The following TNFRSF21 variants were observed in gnomAD, a reference collection of about 807,000 sequenced individuals.
TNFRSF21 encodes tumor necrosis factor receptor superfamily member 21.
A neutral mutation model predicts 45.6 loss-of-function variants in TNFRSF21; 19 were observed. The ratio of observed to expected loss-of-function variants is 0.42; its 90% CI spans 0.29 to 0.61. The LOEUF (loss-of-function observed/expected upper bound fraction) is 0.61. Among genes scored for constraint, TNFRSF21 ranks in the 20% least tolerant of loss-of-function variants. The pLI is 0.23. For missense variants in TNFRSF21, 737 were observed against 851.5 expected (o/e 0.87, Z 1.67); for synonymous variants, 314 against 335.5 (o/e 0.94, Z 0.70).
At position 47,306,315 on chromosome 6, in the gene TNFRSF21, A is replaced by C. The variant is rs114040856; in HGVS notation, c.96+3101T>G. ...CAAACCACCTTCTTAACTTTTCCCC[A>C]GTGAGCCTTCTCTGTTGTTACATTT... On this transcript the variant is annotated intron_variant, in intron 1 of 5. Coordinates refer to ENST00000296861, the MANE Select transcript of TNFRSF21 (RefSeq NM_014452.5). Among the ~76,000 whole-genome samples, 643 of 152,340 alleles carry C rather than the reference A, an allele frequency of 4.2e-3. 5 individuals carry two copies. Among genetic ancestry groups the C allele is most frequent in the African/African-American group, 0.015 (614 of 41,586 alleles).
At chr6:47,299,780 T>G (rs1025688744) in intron 1 of TNFRSF21, among the ~76,000 whole-genome samples, 39 of 152,228 alleles carry the variant, frequency 2.6e-4, no homozygotes, top group African/African-American at 8.9e-4. Context: ...AATTATAAAC[T>G]CCAATATTGG....
chr6:47,301,104 C>T (rs2113870506), intron 1 of TNFRSF21, among the ~76,000 whole-genome samples: 1 of 152,276 alleles, frequency 6.6e-6, no homozygotes, highest in Non-Finnish European at 1.5e-5. Flanking sequence ...TTAAATTGTT[C>T]TTTCTTAATA....
rs1051042988 is a variant in TNFRSF21, at chr6:47,267,068, T to A, written c.1244-13547A>T. ...AATATTGTTAGAGTCAGACTACCCATGCCACAGTCTGATTTTCTTTTTTCT... is the reference window on the plus strand; with the variant it reads ...AATATTGTTAGAGTCAGACTACCCAAGCCACAGTCTGATTTTCTTTTTTCT... On this transcript the variant is annotated intron_variant, in intron 3 of 5. Transcript: ENST00000296861. Among the ~76,000 whole-genome samples, 4 of 150,716 alleles carry A rather than the reference T, an allele frequency of 2.7e-5. No individual in the cohort carries two copies. The East Asian group carries it at 7.9e-4, about 30-fold the overall frequency.
Position 47,234,800 on chromosome 6 carries a change from C to A in TNFRSF21, c.1608G>T (p.Leu536=), listed in dbSNP as rs772242619. The change falls in exon 5 of 6, where the codon CTG becomes CTT. Residue 536 remains leucine (L), a synonymous_variant. Coordinates refer to ENST00000296861, the MANE Select transcript of TNFRSF21 (RefSeq NM_014452.5). ...TGTCCTGTGGGGAAGGCTCCACCGT[C>A]AGGAGAGCGGAATTCTCAAGTTTCG... ...PNAKLENSAL[L]TVEPSPQDKN... The A allele has an allele frequency of 7.6e-6, 12 of 1,581,294 alleles. No individual in the cohort carries two copies. The highest frequency in any genetic ancestry group is 9.4e-6 in the Non-Finnish European group (11 of 1,166,742).
chr6:47,273,804 A>G (rs554323880), intron 3 of TNFRSF21, among the ~76,000 whole-genome samples: 1 of 151,468 alleles, frequency 6.6e-6, no homozygotes, highest in South Asian at 2.1e-4. Flanking sequence ...GAGGATATAA[A>G]ATCAATGTGC....
chr6:47,256,971 T>C (rs1411840909), intron 3 of TNFRSF21, among the ~76,000 whole-genome samples: 1 of 152,178 alleles, frequency 6.6e-6, no homozygotes. Flanking sequence ...ATGTGTACAA[T>C]GGAGAAACTC....
At chr6:47,267,911 T>C (rs1762359214) in intron 3 of TNFRSF21, among the ~76,000 whole-genome samples, 1 of 152,192 alleles carries the variant, frequency 6.6e-6, no homozygotes, top group Non-Finnish European at 1.5e-5. Flanking sequence ...TATAAATATC[T>C]TGAATATGTC....
chr6:47,304,216 G>A (rs1480809627), intron 1 of TNFRSF21, among the ~76,000 whole-genome samples: 1 of 150,524 alleles, frequency 6.6e-6, no homozygotes, highest in African/African-American at 2.5e-5. Context: ...ACAAGGAAAA[G>A]TCACTCAATT....
At chr6:47,254,218 G>GAC (rs141946799) in intron 3 of TNFRSF21, among the ~76,000 whole-genome samples, 5 of 152,284 alleles carry the variant, frequency 3.3e-5, no homozygotes, top group African/African-American at 9.6e-5. Context: ...GCTACTAAGT[G>GAC]ACTCACAGGC....
chr6:47,286,673 A>C (rs1750431072), intron 1 of TNFRSF21, 78 bp from the exon 2 acceptor site: 17 of 1,422,842 alleles, frequency 1.2e-5, no homozygotes, highest in Admixed American at 2.4e-5. Flanking sequence ...AAAAGGGCCA[A>C]CAATTCCAGC....
rs1302106918 is a variant in TNFRSF21, at chr6:47,232,902, C to T, written c.1831G>A (p.Glu611Lys). 1 of 1,614,096 alleles carries T rather than the reference C, an allele frequency of 6.2e-7. No homozygotes were observed. ...GGAATCTCTTCAATCACCCGCAGCT[C>T]CTCAGGATTTAGAAAGTGGAGCATG... ...DDMLHFLNPE[E>K]LRVIEEIPQA... Residue 611 changes from glutamate to lysine, a missense_variant, in exon 6 of 6, where the codon GAG becomes AAG. Transcript: ENST00000296861.
intron 3 of TNFRSF21, among the ~76,000 whole-genome samples, chr6:47,281,381 G>A (rs1317446567): frequency 1.3e-5 from 2 of 149,908 alleles, no homozygotes; most frequent in African/African-American, 4.9e-5. Flanking sequence ...AAATCTATAT[G>A]TGATTTTTTT....
intron 3 of TNFRSF21, among the ~76,000 whole-genome samples, chr6:47,267,375 T>C (rs1762350501): frequency 6.6e-6 from 1 of 152,126 alleles, no homozygotes; most frequent in Non-Finnish European, 1.5e-5. Flanking sequence ...GCTGAGATTA[T>C]AGGCGTGAGT....
intron 1 of TNFRSF21, among the ~76,000 whole-genome samples, chr6:47,298,284 T>TAAAA (rs558717941): frequency 5.6e-4 from 42 of 74,394 alleles, no homozygotes; most frequent in African/African-American, 1.2e-3. Flanking sequence ...TACAAAAAAT[T>TAAAA]AAAAAAAAAA....
At chr6:47,272,180 A>C (rs1561945657) in intron 3 of TNFRSF21, among the ~76,000 whole-genome samples, 1 of 152,200 alleles carries the variant, frequency 6.6e-6, no homozygotes, top group Non-Finnish European at 1.5e-5. Flanking sequence ...AGACATCTAC[A>C]GAACTCTGCA....
chr6:47,252,120 T>C (rs912281764), intron 4 of TNFRSF21, among the ~76,000 whole-genome samples: 11 of 152,290 alleles, frequency 7.2e-5, no homozygotes, highest in Admixed American at 5.2e-4. Flanking sequence ...ATAAAAGCAT[T>C]TGGACTTCTT....
At chr6:47,296,824 T>C (rs9473056) in intron 1 of TNFRSF21, among the ~76,000 whole-genome samples, 5,907 of 152,234 alleles carry the variant, frequency 0.039, 393 homozygotes, top group African/African-American at 0.13. Flanking sequence ...CTTTATTATA[T>C]CTTTTATCAA....
At chr6:47,308,107 G>A (rs1356631178) in intron 1 of TNFRSF21, among the ~76,000 whole-genome samples, 1 of 152,204 alleles carries the variant, frequency 6.6e-6, no homozygotes, top group Admixed American at 6.5e-5. Flanking sequence ...TAATAAGTGG[G>A]CAGAAAAGAG....
At chr6:47,270,829 G>T (rs956699329) in intron 3 of TNFRSF21, among the ~76,000 whole-genome samples, 1 of 152,206 alleles carries the variant, frequency 6.6e-6, no homozygotes, top group African/African-American at 2.4e-5. Context: ...TAAATGACCT[G>T]ATGGAGCTGA....
Sources: allele counts gnomAD v4.1 joint callset (sites outside exome capture counted in the v4.1 genomes callset), GRCh38; gene constraint gnomAD v4.1.1; transcripts MANE v1.5; gene names NCBI Gene and HGNC (gene_info 2026-07-23, HGNC 2026-07-21).